The following BTBD1 variants were observed in gnomAD, a reference collection of about 807,000 sequenced individuals.
The protein encoded by BTBD1 is BTB/POZ domain-containing protein 1.
A neutral mutation model predicts 48.0 loss-of-function variants in BTBD1; 34 were observed. The observed-to-expected ratio is 0.71, with a 90% CI of 0.54 to 0.94. BTBD1 has a LOEUF of 0.94. Ranked by LOEUF, BTBD1 falls within the 40% of genes least tolerant of loss-of-function variation. BTBD1 has a pLI of 0.00. For missense variants in BTBD1, 543 were observed against 625.6 expected (o/e 0.87, Z 1.41); for synonymous variants, 261 against 242.1 (o/e 1.08, Z -0.72).
chr15:83,033,593 T>C (rs2032565464), intron 4 of BTBD1, among the ~76,000 whole-genome samples: 1 of 152,132 alleles, frequency 6.6e-6, no homozygotes, highest in African/African-American at 2.4e-5. Context: ...TTTATTTATT[T>C]ATTTAGAGAC....
Position 83,066,998 on chromosome 15 carries a change from T to C in BTBD1, c.154A>G (p.Lys52Glu), listed in dbSNP as rs1246107290. Residue 52 changes from lysine (K) to glutamate (E), a missense_variant, in exon 1 of 8, where the codon AAG (lysine) becomes GAG (glutamate). Around this residue, in one of 3 missense-constraint regions of BTBD1, gnomAD observed 173 missense variants for 163.9 expected, o/e 1.06. Transcript: ENST00000261721. ...REPLYNWQAT[K>E]ASLKERFAFL... ...GCGAAGCGCTCCTTCAGCGACGCCT[T>C]GGTCGCCTGCCAGTTGTAGAGAGGT... is the stretch of plus-strand genomic sequence containing the variant. 6.3e-7 allele frequency: 1 copy of C among 1,586,038 alleles called. No individual in the cohort carries two copies. The highest frequency in any genetic ancestry group is 8.6e-7 in the Non-Finnish European group (1 of 1,168,126).
At chr15:83,045,794 GAAAA>G (rs2032867210) in intron 3 of BTBD1, among the ~76,000 whole-genome samples, 1 of 151,968 alleles carries the variant, frequency 6.6e-6, no homozygotes, top group Non-Finnish European at 1.5e-5. Context: ...CCATTTGATG[GAAAA>G]CCAGAAGACT....
chr15:83,025,226 C>T (rs562433075), intron 5 of BTBD1, among the ~76,000 whole-genome samples: 7 of 151,710 alleles, frequency 4.6e-5, no homozygotes, highest in East Asian at 1.9e-4. Context: ...TGGTGGCAGA[C>T]GCCTGTAATC....
chr15:83,063,414 T>C (rs763319900), intron 1 of BTBD1, among the ~76,000 whole-genome samples: 1 of 152,216 alleles, frequency 6.6e-6, no homozygotes, highest in African/African-American at 2.4e-5. Flanking sequence ...TGGTTGTACC[T>C]TCAAAAATAT....
chr15:83,018,622 A>C, intron 7 of BTBD1, 85 bp downstream of exon 7: 1 of 1,476,498 alleles, frequency 6.8e-7, no homozygotes, highest in Non-Finnish European at 9.2e-7. Context: ...TAAATGGCTC[A>C]GCTGTCAGTG....
At chr15:83,034,090 CAAAAAA>C (rs748026027) in intron 4 of BTBD1, among the ~76,000 whole-genome samples, 2 of 67,182 alleles carry the variant, frequency 3.0e-5, no homozygotes, top group South Asian at 5.4e-4. Context: ...CTGTCTACAC[CAAAAAA>C]AAAAAAAAAA....
At chr15:83,044,132 A>G (rs1324378364) in intron 3 of BTBD1, among the ~76,000 whole-genome samples, 1 of 152,226 alleles carries the variant, frequency 6.6e-6, no homozygotes, top group Non-Finnish European at 1.5e-5. Flanking sequence ...TTTTTAAAAA[A>G]ACAACACTTC....
In BTBD1 at chr15:83,040,024, C is replaced by T. The variant is rs1219539085; in HGVS notation, c.862+1704G>A. On this transcript the variant is annotated intron_variant, in intron 4 of 7. Coordinates refer to ENST00000261721, the MANE Select transcript of BTBD1 (RefSeq NM_025238.4). The stretch of plus-strand genomic sequence containing the variant: ...ACACACACACACACACACGGACACA[C>T]ACACACCACAGAATACTATAAAGCC... Among the ~76,000 whole-genome samples, 7 of 151,860 alleles carry T rather than the reference C, an allele frequency of 4.6e-5. 1 individual carries two copies. In the South Asian group the frequency reaches 1.3e-3, roughly 27 times the overall value.
At position 83,044,897 on chromosome 15, in the gene BTBD1, T is replaced by C. The variant is rs2032846877; in HGVS notation, c.665-2972A>G. ...TTATCTTTATCACAAACGTTTCACA[T>C]GCAGCTATTTCAAAGTGTCTTGGAT... On this transcript the variant is annotated intron_variant, in intron 3 of 7. Coordinates refer to ENST00000261721, the MANE Select transcript of BTBD1 (RefSeq NM_025238.4). The C allele has an allele frequency of 9.4e-6, 6 of 639,364 alleles. No individual in the cohort carries two copies. The Admixed American group carries it at 1.5e-4, about 16-fold the overall frequency. 39.6% of individuals were successfully genotyped at this position (639,364 alleles called of 1,614,324 possible). A position where few individuals can be genotyped will look rare whatever the true frequency, so the allele number is the denominator to read the frequency against.
At position 83,066,879 on chromosome 15, in the gene BTBD1, G is replaced by T; in HGVS notation, c.273C>A (p.Pro91=). 6.7e-7 allele frequency: 1 copy of T among 1,493,228 alleles called. No homozygotes were observed. Among genetic ancestry groups the T allele is most frequent in the Non-Finnish European group, 8.9e-7 (1 of 1,124,940 alleles). 92.5% of individuals were successfully genotyped at this position (1,493,228 alleles called of 1,614,324 possible). ...CGGCCGCCAGCACGAAGCGGTGGGC[G>T]GGGATGCGCTGCGGGCCCCCAGCGG... ...AAAAGGPQRI[P]AHRFVLAAGS... Residue 91 remains proline (P), a synonymous_variant, in exon 1 of 8, where the codon CCC becomes CCA. Coordinates refer to ENST00000261721, the MANE Select transcript of BTBD1 (RefSeq NM_025238.4).
chr15:83,040,280 C>T (rs1446638407), intron 4 of BTBD1, among the ~76,000 whole-genome samples: 2 of 152,186 alleles, frequency 1.3e-5, no homozygotes, highest in Non-Finnish European at 2.9e-5. Flanking sequence ...AAACTAACTA[C>T]TGGACACTAT....
chr15:83,029,529 A>C (rs1262411312), intron 5 of BTBD1: 1 of 152,108 alleles, frequency 6.6e-6, no homozygotes, highest in Non-Finnish European at 1.5e-5. Flanking sequence ...ATAACGTTTG[A>C]TCAATTAAGG....
In BTBD1 at chr15:83,042,348, T is replaced by TTATATATATATATATATATA. The variant is rs61294242; in HGVS notation, c.665-443_665-424dup. ...ACGTGCCAGGTACTATTAGGCAATT[T>TTATATATATATATATATATA]TATATATATATATATATATATATAT... On this transcript the variant is annotated intron_variant, in intron 3 of 7. Coordinates refer to ENST00000261721, the MANE Select transcript of BTBD1 (RefSeq NM_025238.4). 4.8e-3 allele frequency among the ~76,000 whole-genome samples: 531 copies of TTATATATATATATATATATA among 109,720 alleles called. 15 individuals carry two copies. The highest frequency in any genetic ancestry group is 6.4e-3 in the African/African-American group (172 of 26,900). The allele number at this position is 109,720 out of a possible 152,430, so 72.0% of individuals were successfully genotyped here.
chr15:83,056,326 C>T, intron 2 of BTBD1, 63 bp downstream of exon 2: 1 of 1,085,144 alleles, frequency 9.2e-7, no homozygotes, highest in Non-Finnish European at 1.4e-6. Context: ...ATATTAAATG[C>T]CCATATATAG....
chr15:83,041,811 G>C lies in BTBD1; in HGVS notation c.779C>G (p.Thr260Ser). 6.2e-7 allele frequency: 1 copy of C among 1,614,202 alleles called. No individual in the cohort carries two copies. Among genetic ancestry groups the C allele is most frequent in the Middle Eastern group, 1.6e-4 (1 of 6,062 alleles). The stretch of plus-strand genomic sequence containing the variant: ...TAGAACTTTTTGTTTATTCCCAAAA[G>C]TCACAGGTAATTGTTGTCTCTGACA... ...AECQRQQLPV[T>S]FGNKQKVLGK... The change falls in exon 4 of 8, where the codon ACT (threonine) becomes AGT (serine). Residue 260 changes from threonine (T) to serine (S), a missense_variant. Physicochemically the swap from Thr to Ser is moderately conservative, Grantham distance 58. Transcript: ENST00000261721.
At chr15:83,030,457 A>G in intron 4 of BTBD1, 129 bp from the exon 5 acceptor site, 3 of 709,750 alleles carry the variant, frequency 4.2e-6, no homozygotes, top group Non-Finnish European at 7.1e-6. Context: ...CTTAGCATAT[A>G]TAATTTTTGC....
At chr15:83,039,222 T>G (rs546230127) in intron 4 of BTBD1, among the ~76,000 whole-genome samples, 1 of 150,972 alleles carries the variant, frequency 6.6e-6, no homozygotes, top group South Asian at 2.1e-4. Context: ...CCAAAAAATA[T>G]GAACAGACAT....
intron 2 of BTBD1, 30 bp downstream of exon 2, chr15:83,056,359 A>C: frequency 6.5e-7 from 1 of 1,549,848 alleles, no homozygotes; most frequent in African/African-American, 1.4e-5. Flanking sequence ...TAAAACTACA[A>C]TGATACATAC....
chr15:83,064,061 A>G (rs1042524839), intron 1 of BTBD1, among the ~76,000 whole-genome samples: 5 of 152,236 alleles, frequency 3.3e-5, no homozygotes, highest in African/African-American at 1.2e-4. Flanking sequence ...ACTGAAGAAC[A>G]TCATTTAAAG....
Sources: gnomAD v4.1 joint callset for allele counts (sites outside exome capture counted in the v4.1 genomes callset) on GRCh38, gnomAD v4.1.1 for gene constraint, gnomAD v4.1.1 regional missense constraint, MANE v1.5 for transcripts, NCBI Gene and HGNC (gene_info 2026-07-23, HGNC 2026-07-21) for gene names.